The following GALNT13 variants were observed in gnomAD, a reference collection of about 807,000 sequenced individuals.
The protein encoded by GALNT13 is polypeptide N-acetylgalactosaminyltransferase 13, also known as UDP-GalNAc:polypeptide N-acetylgalactosaminyltransferase 13.
GALNT13 carries 28 observed loss-of-function variants against 64.2 expected under a neutral mutation model. That is an observed-to-expected ratio of 0.44 (90% CI 0.32 to 0.60). GALNT13 has a LOEUF of 0.60. Ranked by LOEUF, GALNT13 falls within the 20% of genes least tolerant of loss-of-function variation. The pLI is 0.05. For missense variants in GALNT13, 577 were observed against 669.8 expected (o/e 0.86, Z 1.53); for synonymous variants, 214 against 224.6 (o/e 0.95, Z 0.42).
At chr2:153,657,518 A>G in the GALNT13 span, among the ~76,000 whole-genome samples, 5 of 152,124 alleles carry the variant, frequency 3.3e-5, no homozygotes, top group Non-Finnish European at 7.4e-5. Context: ...ATCTGAAACA[A>G]AGAAAGACTA....
At chr2:154,395,650 A>T (rs1003161766) in intron 9 of GALNT13, among the ~76,000 whole-genome samples, 2 of 152,124 alleles carry the variant, frequency 1.3e-5, no homozygotes, top group Non-Finnish European at 2.9e-5. Flanking sequence ...AGAATTTTTT[A>T]TTAAGGAGAA....
chr2:153,730,351 A>G, the GALNT13 span, among the ~76,000 whole-genome samples: 1 of 151,978 alleles, frequency 6.6e-6, no homozygotes. Flanking sequence ...TGGAGAAAGG[A>G]CACTCTATTC....
At chr2:153,792,673 C>T in the GALNT13 span, among the ~76,000 whole-genome samples, 5 of 152,086 alleles carry the variant, frequency 3.3e-5, no homozygotes, top group East Asian at 1.9e-4. Flanking sequence ...TATGGGTATA[C>T]TCTAATTGGT....
At chr2:153,197,650 G>C in the GALNT13 span, among the ~76,000 whole-genome samples, 5 of 152,166 alleles carry the variant, frequency 3.3e-5, no homozygotes, top group Admixed American at 1.3e-4. Flanking sequence ...CAGTGTGTTT[G>C]AGTGGTTGTG....
At chr2:153,277,923 C>CTTTTTGTTTTTTTTTTTTTTTT in the GALNT13 span, among the ~76,000 whole-genome samples, 1 of 78,954 alleles carries the variant, frequency 1.3e-5, no homozygotes, top group African/African-American at 5.3e-5. Context: ...GTTTTCTTTT[C>CTTTTTGTTTTTTTTTTTTTTTT]TTTCTTTTTT....
At chr2:153,856,221 G>A in the GALNT13 span, among the ~76,000 whole-genome samples, 1 of 149,238 alleles carries the variant, frequency 6.7e-6, no homozygotes, top group African/African-American at 2.5e-5. Flanking sequence ...AGTTGTAAGT[G>A]TTATAAATTG....
chr2:153,542,957 A>C, the GALNT13 span, among the ~76,000 whole-genome samples: 10 of 152,194 alleles, frequency 6.6e-5, no homozygotes, highest in African/African-American at 2.4e-4. Flanking sequence ...ATAATGACTT[A>C]TATGATTTTG....
At chr2:154,209,735 T>C (rs1363930161) in intron 4 of GALNT13, among the ~76,000 whole-genome samples, 2 of 152,202 alleles carry the variant, frequency 1.3e-5, no homozygotes, top group Non-Finnish European at 1.5e-5. Context: ...AAATTGTTAA[T>C]TGACAAATTA....
chr2:153,113,262 C>A, the GALNT13 span, among the ~76,000 whole-genome samples: 1 of 151,972 alleles, frequency 6.6e-6, no homozygotes, highest in Non-Finnish European at 1.5e-5. Flanking sequence ...ATTCTTCTGT[C>A]CATCTAGGCA....
At chr2:153,794,244 T>C in the GALNT13 span, among the ~76,000 whole-genome samples, 1 of 152,210 alleles carries the variant, frequency 6.6e-6, no homozygotes, top group Non-Finnish European at 1.5e-5. Context: ...GATTTAAAAA[T>C]TATAAACATT....
At chr2:153,846,592 A>G in the GALNT13 span, among the ~76,000 whole-genome samples, 1 of 152,196 alleles carries the variant, frequency 6.6e-6, no homozygotes, top group Non-Finnish European at 1.5e-5. Flanking sequence ...TTTAAAGATC[A>G]CATTAAAAGA....
chr2:153,282,939 A>G, the GALNT13 span, among the ~76,000 whole-genome samples: 52,916 of 152,082 alleles, frequency 0.35, 9,450 homozygotes, highest in Middle Eastern at 0.51. Context: ...AGCCCTGTGC[A>G]CTTCTGTCAA....
chr2:153,745,365 T>A, the GALNT13 span, among the ~76,000 whole-genome samples: 6 of 152,202 alleles, frequency 3.9e-5, no homozygotes, highest in African/African-American at 1.4e-4. Context: ...TAGAACTTTT[T>A]AAAAAGTTTC....
chr2:153,285,289 T>C, the GALNT13 span, among the ~76,000 whole-genome samples: 3 of 152,156 alleles, frequency 2.0e-5, no homozygotes, highest in Non-Finnish European at 2.9e-5. Flanking sequence ...TTTGTGGGGA[T>C]AATTACAATC....
the GALNT13 span, among the ~76,000 whole-genome samples, chr2:153,653,080 C>G: frequency 6.6e-6 from 1 of 152,036 alleles, no homozygotes; most frequent in Non-Finnish European, 1.5e-5. Flanking sequence ...AGAGATTAGC[C>G]TTGCAATTGA....
At chr2:153,403,292 T>C in the GALNT13 span, among the ~76,000 whole-genome samples, 32 of 151,756 alleles carry the variant, frequency 2.1e-4, no homozygotes, top group East Asian at 5.9e-3. Context: ...CGTTCTCAGA[T>C]CTCCAGCTGC....
chr2:154,351,210 A>T (rs2105255198), intron 9 of GALNT13, among the ~76,000 whole-genome samples: 1 of 152,272 alleles, frequency 6.6e-6, no homozygotes, highest in Middle Eastern at 3.4e-3. Context: ...TAATGGCAAG[A>T]CCATGGAATA....
chr2:153,723,570 A>T, the GALNT13 span, among the ~76,000 whole-genome samples: 10 of 151,760 alleles, frequency 6.6e-5, no homozygotes, highest in Non-Finnish European at 4.4e-5. Context: ...GTCTCAGCCC[A>T]AAATCTCCTT....
intron 11 of GALNT13, among the ~76,000 whole-genome samples, chr2:154,434,180 A>G (rs1700827793): frequency 6.6e-6 from 1 of 152,228 alleles, no homozygotes; most frequent in African/African-American, 2.4e-5. Flanking sequence ...CACCCAGTCC[A>G]TAGTACTTTG....
Sources: gnomAD v4.1 joint callset for allele counts (sites outside exome capture counted in the v4.1 genomes callset) on GRCh38, gnomAD v4.1.1 for gene constraint, MANE v1.5 for transcripts, NCBI Gene and HGNC (gene_info 2026-07-23, HGNC 2026-07-21) for gene names.